FBXW8: variants seen among roughly 807,000 people sequenced by gnomAD.
FBXW8 encodes the protein F-box/WD repeat-containing protein 8.
A neutral mutation model predicts 65.3 loss-of-function variants in FBXW8; 57 were observed. The observed-to-expected ratio is 0.87, with a 90% CI of 0.71 to 1.09. The LOEUF (loss-of-function observed/expected upper bound fraction) is 1.09, where lower values mean the gene tolerates loss of function less well. Among genes scored for constraint, FBXW8 ranks in the 50% least tolerant of loss-of-function variants. FBXW8 has a pLI of 0.00. For synonymous variants in FBXW8, 308 were observed against 330.2 expected, an observed-to-expected ratio of 0.93 and a Z score of 0.73; for missense variants, 777 against 814.8, an observed-to-expected ratio of 0.95 and a Z score of 0.57.
At chr12:117,002,620 G>A (rs924957400) in intron 7 of FBXW8, 17 of 152,194 alleles carry the variant, frequency 1.1e-4, no homozygotes, top group African/African-American at 4.1e-4. Flanking sequence ...CAAGCCTCAC[G>A]CTATGACTTA....
At chr12:117,013,876 G>T (rs1307813077) in intron 8 of FBXW8, among the ~76,000 whole-genome samples, 2 of 151,586 alleles carry the variant, frequency 1.3e-5, no homozygotes, top group Non-Finnish European at 2.9e-5. Flanking sequence ...AGTCACTAAG[G>T]AAAAGTCTGC....
Position 117,024,213 on chromosome 12 carries a change from C to T in FBXW8, c.1434C>T (p.Val478=). The part of the protein sequence containing the change: ...ALSLSAHQLR[V]SAVQMDDWKI... ...CGCTCTCCGCCCATCAGCTCAGGGT[C>T]TCTGCTGTGCAGATGGATGACTGGA... The change falls in exon 9 of 11, where the codon GTC becomes GTT. Residue 478 remains valine, a synonymous_variant. Coordinates refer to ENST00000652555, the MANE Select transcript of FBXW8 (RefSeq NM_153348.3). 1.9e-6 allele frequency: 3 copies of T among 1,614,164 alleles called. No homozygotes were observed. The highest frequency in any genetic ancestry group is 2.5e-6 in the Non-Finnish European group (3 of 1,180,032).
intron 1 of FBXW8, among the ~76,000 whole-genome samples, chr12:116,922,835 A>G (rs114958840): frequency 2.0e-5 from 3 of 151,930 alleles, no homozygotes; most frequent in Non-Finnish European, 2.9e-5. Context: ...TGACTAGGAA[A>G]AAGGGGATGG....
chr12:116,987,472 C>G (rs1293164898), intron 6 of FBXW8: 1 of 152,176 alleles, frequency 6.6e-6, no homozygotes, highest in Non-Finnish European at 1.5e-5. Flanking sequence ...GAGAAAGTGC[C>G]GGCGGTGACG....
intron 1 of FBXW8, among the ~76,000 whole-genome samples, chr12:116,917,002 C>G (rs545610412): frequency 3.3e-5 from 5 of 152,082 alleles, no homozygotes; most frequent in Admixed American, 2.6e-4. Context: ...CTCAGAGTTA[C>G]AAGAGCAGCA....
chr12:116,998,639 A>T (rs1953438039), intron 7 of FBXW8, among the ~76,000 whole-genome samples: 1 of 152,214 alleles, frequency 6.6e-6, no homozygotes, highest in South Asian at 2.1e-4. Context: ...AACACTGCCC[A>T]GGCATTGTTA....
chr12:116,977,134 T>C (rs1205951541), intron 5 of FBXW8, among the ~76,000 whole-genome samples: 1 of 152,234 alleles, frequency 6.6e-6, no homozygotes, highest in Non-Finnish European at 1.5e-5. Flanking sequence ...CTCATTCTTA[T>C]TTGGTGTTAG....
At chr12:116,955,129 A>C (rs1039262100) in intron 4 of FBXW8, among the ~76,000 whole-genome samples, 1 of 152,124 alleles carries the variant, frequency 6.6e-6, no homozygotes, top group African/African-American at 2.4e-5. Flanking sequence ...GTGTGTAAGA[A>C]AGGAAAACTC....
In FBXW8 at chr12:117,028,101, C is replaced by T. The variant is rs191628514; in HGVS notation, c.1726C>T (p.Arg576Cys). ...LAFQSPLPVC[R>C]SSCDAMATHY... ...CTTCCAGAGCCCTCTCCCTGTCTGC[C>T]GTTCATCCTGTGACGCCATGGCCAC... The change falls in exon 11 of 11, where the codon CGT becomes TGT. Residue 576 changes from arginine (R) to cysteine (C), a missense_variant. Physicochemically the swap from Arg to Cys is radical, Grantham distance 180 (BLOSUM62 -3). Transcript: ENST00000652555. This position sits in a 1 kb window ranked among gnomAD's most constrained non-coding sequence, Gnocchi z 4.1. 341 of 1,614,154 alleles carry T rather than the reference C, an allele frequency of 2.1e-4. No individual in the cohort carries two copies. The highest frequency in any genetic ancestry group is 5.6e-4 in the East Asian group (25 of 44,878).
At chr12:116,934,694 T>C (rs1882035727) in intron 2 of FBXW8, among the ~76,000 whole-genome samples, 1 of 152,152 alleles carries the variant, frequency 6.6e-6, no homozygotes, top group South Asian at 2.1e-4. Flanking sequence ...TGTGTACCCT[T>C]CCCCCAGTTT....
chr12:117,014,439 G>T (rs1233026350), intron 8 of FBXW8, among the ~76,000 whole-genome samples: 1 of 152,190 alleles, frequency 6.6e-6, no homozygotes, highest in African/African-American at 2.4e-5. Context: ...TCTGTTAATT[G>T]TCTTTTCCCT....
At chr12:116,912,207 A>T (rs1880012188) in intron 1 of FBXW8, among the ~76,000 whole-genome samples, 1 of 134,466 alleles carries the variant, frequency 7.4e-6, no homozygotes, top group East Asian at 2.2e-4. Flanking sequence ...TTCTTTTCTG[A>T]GACAGGGTCT....
At chr12:117,008,014 A>C (rs1328845850) in intron 7 of FBXW8, among the ~76,000 whole-genome samples, 3 of 152,192 alleles carry the variant, frequency 2.0e-5, no homozygotes, top group Admixed American at 6.5e-5. Context: ...TGGACTCTGG[A>C]CTACTAACTT....
At chr12:116,987,454 GCACATTAGA>G (rs1337056033) in intron 6 of FBXW8, 2 of 152,294 alleles carry the variant, frequency 1.3e-5, no homozygotes, top group African/African-American at 4.8e-5. Context: ...TCAGACTCGT[GCACATTAGA>G]GAAAGTGCCG....
chr12:117,017,054 A>C (rs1953969492), intron 8 of FBXW8, among the ~76,000 whole-genome samples: 1 of 152,192 alleles, frequency 6.6e-6, no homozygotes, highest in African/African-American at 2.4e-5. Context: ...ACCCTTTCTA[A>C]AATAAGTAAT....
chr12:117,030,111 A>G lies in FBXW8; in HGVS notation c.*1939A>G, dbSNP rs1015539894. 3.9e-5 allele frequency: 6 copies of G among 152,154 alleles called. No homozygotes were observed. Among genetic ancestry groups the G allele is most frequent in the African/African-American group, 1.4e-4 (6 of 41,424 alleles). The allele number at this position is 152,154 out of a possible 1,614,324, so 9.4% of individuals were successfully genotyped here. A position where few individuals can be genotyped will look rare whatever the true frequency, so the allele number is the denominator to read the frequency against. ...TACGTATCAGTGGGAAGTGCTTGCC[A>G]TTACTCCAAAGCCTAGAACCTTCAC... On this transcript the variant is annotated 3_prime_UTR_variant, in exon 11 of 11. Transcript: ENST00000652555.
At chr12:116,984,281 T>G (rs1467465933) in intron 5 of FBXW8, among the ~76,000 whole-genome samples, 1 of 152,206 alleles carries the variant, frequency 6.6e-6, no homozygotes, top group African/African-American at 2.4e-5. Context: ...TACTGGTGCC[T>G]GACAGTCTGC....
At chr12:117,023,017 A>C (rs1012049776) in intron 8 of FBXW8, among the ~76,000 whole-genome samples, 8 of 152,208 alleles carry the variant, frequency 5.3e-5, no homozygotes, top group African/African-American at 1.9e-4. Flanking sequence ...TTTCTTTCAG[A>C]GAGTATCCAC....
intron 2 of FBXW8, among the ~76,000 whole-genome samples, chr12:116,932,861 C>T (rs1279817116): frequency 6.6e-6 from 1 of 152,160 alleles, no homozygotes. Context: ...AAGCATTTTG[C>T]TTAATCGTTT....
Sources: gnomAD v4.1 joint callset for allele counts (sites outside exome capture counted in the v4.1 genomes callset) on GRCh38, gnomAD v4.1.1 for gene constraint, Gnocchi (gnomAD v3.1) non-coding constraint, MANE v1.5 for transcripts, NCBI Gene and HGNC (gene_info 2026-07-23, HGNC 2026-07-21) for gene names.